CAMTA1: variants seen among roughly 807,000 people sequenced by gnomAD.
CAMTA1 encodes the protein calmodulin binding transcription activator 1.
CAMTA1 carries 27 observed loss-of-function variants against 170.9 expected under a neutral mutation model. That is an observed-to-expected ratio of 0.16 (90% CI 0.12 to 0.22). The LOEUF (loss-of-function observed/expected upper bound fraction) is 0.22, where lower values mean the gene tolerates loss of function less well. Ranked by LOEUF, CAMTA1 falls within the 10% of genes least tolerant of loss-of-function variation. CAMTA1 has a pLI of 1.00. For synonymous variants in CAMTA1, 833 were observed against 891.5 expected (o/e 0.93, Z 1.17); for missense variants, 1,619 against 2,217.2 (o/e 0.73, Z 5.42).
intron 4 of CAMTA1, among the ~76,000 whole-genome samples, chr1:7,235,822 A>AT (rs948201800): frequency 6.6e-6 from 1 of 152,060 alleles, no homozygotes; most frequent in Non-Finnish European, 1.5e-5. Flanking sequence ...CTCTTTTACG[A>AT]TTTTCAATTT....
At chr1:6,900,628 C>G (rs1373873868) in intron 3 of CAMTA1, among the ~76,000 whole-genome samples, 1 of 152,040 alleles carries the variant, frequency 6.6e-6, no homozygotes, top group Non-Finnish European at 1.5e-5. Context: ...AATTGTATTT[C>G]TATATATTAG....
At chr1:7,754,190 G>T (rs2096916307) in intron 21 of CAMTA1, among the ~76,000 whole-genome samples, 2 of 152,252 alleles carry the variant, frequency 1.3e-5, no homozygotes, top group Non-Finnish European at 2.9e-5. Context: ...ATAGACTTTG[G>T]CCACTTTGAG....
chr1:7,271,714 A>C (rs1262587567), intron 5 of CAMTA1, among the ~76,000 whole-genome samples: 30 of 152,166 alleles, frequency 2.0e-4, no homozygotes, highest in Admixed American at 2.0e-3. Flanking sequence ...AGAGATCAAT[A>C]GATAGACAGA....
At position 6,887,828 on chromosome 1, in the gene CAMTA1, C is replaced by G. The variant is rs1571396136; in HGVS notation, c.234+62618C>G. 2 of 1,468,446 alleles carry G rather than the reference C, an allele frequency of 1.4e-6. No individual in the cohort carries two copies. The highest frequency in any genetic ancestry group is 1.8e-6 in the Non-Finnish European group (2 of 1,113,580). 91.0% of individuals were successfully genotyped at this position (1,468,446 alleles called of 1,614,324 possible). A position where few individuals can be genotyped will look rare whatever the true frequency, so the allele number is the denominator to read the frequency against. ...GTTCTATTAGTGAATTAACTGTTCT[C>G]AAAACCCCAAATTAATTTGAACCGA... On this transcript the variant is annotated intron_variant, in intron 3 of 22. Coordinates refer to ENST00000303635, the MANE Select transcript of CAMTA1 (RefSeq NM_015215.4). This position sits in a 1 kb window ranked among gnomAD's most constrained non-coding sequence, Gnocchi z 4.1.
intron 19 of CAMTA1, 189 bp from the exon 20 acceptor site, chr1:7,751,010 A>G (rs774579106): frequency 1.5e-5 from 11 of 728,164 alleles, no homozygotes; most frequent in Non-Finnish European, 2.2e-5. Context: ...TTAAAGTAAT[A>G]TTTTACATTT....
In CAMTA1 at chr1:7,677,753, C is replaced by T. The variant is rs201972865; in HGVS notation, c.2914+20C>T. The stretch of plus-strand genomic sequence containing the variant: ...TGGACGGTAAGAACAGTGCTTGGGT[C>T]GTCTTGCCAGGCACCAAGGGAGAGG... On this transcript the variant is annotated intron_variant, in intron 11 of 22. Transcript: ENST00000303635. 101 of 1,606,640 alleles carry T rather than the reference C, an allele frequency of 6.3e-5. No individual in the cohort carries two copies. Among genetic ancestry groups the T allele is most frequent in the South Asian group, 2.0e-4 (18 of 89,966 alleles).
chr1:7,568,634 A>G (rs2095079312), intron 6 of CAMTA1, among the ~76,000 whole-genome samples: 1 of 151,212 alleles, frequency 6.6e-6, no homozygotes, highest in Admixed American at 6.6e-5. Flanking sequence ...TCACATCACC[A>G]TCACCACCAC....
chr1:7,470,805 G>A (rs2093316550), intron 6 of CAMTA1, among the ~76,000 whole-genome samples: 2 of 152,226 alleles, frequency 1.3e-5, no homozygotes, highest in African/African-American at 4.8e-5. Context: ...ACTCGCTCCT[G>A]CCCTCTGAGA....
chr1:7,319,145 T>TTGTAA (rs1677979434), intron 5 of CAMTA1, among the ~76,000 whole-genome samples: 1 of 152,026 alleles, frequency 6.6e-6, no homozygotes, highest in Non-Finnish European at 1.5e-5. Context: ...TTATGTACAT[T>TTGTAA]TGTGGTGGGC....
At chr1:7,111,729 C>T (rs1390732106) in intron 4 of CAMTA1, among the ~76,000 whole-genome samples, 1 of 151,912 alleles carries the variant, frequency 6.6e-6, no homozygotes, top group Non-Finnish European at 1.5e-5. Context: ...ACTAAAAATA[C>T]AAAAAATTAG....
chr1:7,721,039 A>G (rs569702146), intron 11 of CAMTA1, among the ~76,000 whole-genome samples: 27 of 152,368 alleles, frequency 1.8e-4, no homozygotes, highest in African/African-American at 6.5e-4. Context: ...ATAGGCTCCC[A>G]GGAGCTTAAA....
chr1:7,676,221 G>A (rs997905217), intron 10 of CAMTA1, among the ~76,000 whole-genome samples: 1 of 152,254 alleles, frequency 6.6e-6, no homozygotes, highest in Admixed American at 6.5e-5. Context: ...GCCATAGCAG[G>A]TTCTGGACTT....
intron 4 of CAMTA1, among the ~76,000 whole-genome samples, chr1:7,201,326 A>G (rs1303055258): frequency 3.9e-5 from 6 of 152,234 alleles, no homozygotes; most frequent in Non-Finnish European, 8.8e-5. Flanking sequence ...ATTATTAACC[A>G]TGATGCTATA....
intron 5 of CAMTA1, among the ~76,000 whole-genome samples, chr1:7,288,806 TCGTGAAG>T (rs2149490996): frequency 6.6e-6 from 1 of 152,308 alleles, no homozygotes; most frequent in South Asian, 2.1e-4. Flanking sequence ...CAGGCGGCTC[TCGTGAAG>T]CATTTGGTAT....
rs749163158 is a variant in CAMTA1 at position 7,232,952 on chromosome 1, C to CT, written c.303-16527dup. ...GAGCAAACTCCCTCCTCCTGCTCTT[C>CT]TTTTTTTTTTTTCCCTCCCACCGAG... is the stretch of plus-strand genomic sequence containing the variant. On this transcript the variant is annotated intron_variant, in intron 4 of 22. Transcript: ENST00000303635. Among the ~76,000 whole-genome samples the CT allele has an allele frequency of 8.3e-3, 690 of 83,624 alleles. 2 individuals carry two copies. The highest frequency in any genetic ancestry group is 0.024 in the African/African-American group (543 of 22,382). 54.9% of individuals were successfully genotyped at this position (83,624 alleles called of 152,430 possible).
chr1:7,677,814 G>C (rs1205761189), intron 11 of CAMTA1, 81 bp downstream of exon 11: 1 of 1,497,062 alleles, frequency 6.7e-7, no homozygotes, highest in Non-Finnish European at 9.0e-7. Context: ...TGTGAAAGAA[G>C]AGTAAGCACC....
At chr1:6,798,351 C>T (rs992707594) in intron 1 of CAMTA1, among the ~76,000 whole-genome samples, 3 of 152,122 alleles carry the variant, frequency 2.0e-5, no homozygotes, top group Non-Finnish European at 2.9e-5. Context: ...AAGCCATGTG[C>T]CACTGTAGAA....
intron 5 of CAMTA1, among the ~76,000 whole-genome samples, chr1:7,445,918 G>C (rs80267232): frequency 0.011 from 1,611 of 152,120 alleles, 25 homozygotes; most frequent in African/African-American, 0.037. Flanking sequence ...CAGAGCCTGC[G>C]AGTCCAAAGA....
chr1:6,838,252 G>C (rs1021262007), intron 3 of CAMTA1, among the ~76,000 whole-genome samples: 2 of 152,200 alleles, frequency 1.3e-5, no homozygotes, highest in East Asian at 3.9e-4. Context: ...CCCCAGAAAA[G>C]CTTGTGATGC....
Sources: allele counts gnomAD v4.1 joint callset (sites outside exome capture counted in the v4.1 genomes callset), GRCh38; gene constraint gnomAD v4.1.1; non-coding constraint Gnocchi (gnomAD v3.1); transcripts MANE v1.5; gene names NCBI Gene and HGNC (gene_info 2026-07-23, HGNC 2026-07-21).